Variants in DST observed in about 807,000 individuals in gnomAD.
DST encodes the protein bullous pemphigoid antigen.
In DST, 253 loss-of-function variants were observed where a neutral mutation model predicts 875.2. The observed-to-expected ratio is 0.29, with a 90% CI of 0.26 to 0.32. The LOEUF (loss-of-function observed/expected upper bound fraction) is 0.32. Among genes scored for constraint, DST ranks in the 10% least tolerant of loss-of-function variants. The pLI is 1.00. For synonymous variants in DST, 3,124 were observed against 3,197.1 expected, an observed-to-expected ratio of 0.98 and a Z score of 0.77; for missense variants, 8,287 against 9,111.6, an observed-to-expected ratio of 0.91 and a Z score of 3.68.
At chr6:56,949,246 G>A (rs1297183323) in intron 2 of DST, among the ~76,000 whole-genome samples, 1 of 152,048 alleles carries the variant, frequency 6.6e-6, no homozygotes, top group African/African-American at 2.4e-5. Flanking sequence ...GAGAGTTTTT[G>A]TTTGTTTGTT....
intron 2 of DST, among the ~76,000 whole-genome samples, chr6:56,906,817 C>T (rs1235660542): frequency 6.6e-6 from 1 of 152,152 alleles, no homozygotes; most frequent in Non-Finnish European, 1.5e-5. Context: ...CAACGAACCC[C>T]GGGTATTTAC....
chr6:56,583,893 G>A lies in DST; in HGVS notation c.12904-4956C>T, dbSNP rs145392610. On this transcript the variant is annotated intron_variant, in intron 49 of 103. Transcript: ENST00000680361. ...GCTTTTGTCAGGTTTATCAAAGATC[G>A]GATAGTTGTAGATACGCGGTGTTAT... 1.2e-4 allele frequency among the ~76,000 whole-genome samples: 18 copies of A among 152,222 alleles called. No homozygotes were observed. The East Asian group carries it at 2.7e-3, about 23-fold the overall frequency.
intron 36 of DST, chr6:56,616,874 C>T (rs1237927801): frequency 6.2e-7 from 1 of 1,613,962 alleles, no homozygotes; most frequent in Non-Finnish European, 8.5e-7. Flanking sequence ...GTCAACAACT[C>T]CTTTAAGAAC....
Position 56,573,658 on chromosome 6 carries a change from CT to C in DST, c.13236+20del, listed in dbSNP as rs747956728. On this transcript the variant is annotated intron_variant, in intron 51 of 103. Coordinates refer to ENST00000680361, the MANE Select transcript of DST (RefSeq NM_001374736.1). ...TTTTTTTAAAAAACTGAAAATGGGA[CT>C]TTTTTTTAAAGTCACTTACAATGTT... The C allele has an allele frequency of 2.5e-5, 39 of 1,575,994 alleles. No individual in the cohort carries two copies. The African/African-American group carries it at 3.5e-4, about 14-fold the overall frequency.
chr6:56,567,342 T>G (rs2097695768), intron 55 of DST, among the ~76,000 whole-genome samples: 1 of 149,916 alleles, frequency 6.7e-6, no homozygotes, highest in Non-Finnish European at 1.5e-5. Context: ...TTAAAAAAAA[T>G]TAAACATGAT....
At position 56,639,245 on chromosome 6, in the gene DST, C is replaced by T. The variant is rs766258636; in HGVS notation, c.2964+14G>A. On this transcript the variant is annotated intron_variant, in intron 22 of 103. Transcript: ENST00000680361. Reference sequence around the variant, plus strand: ...TCAATATTCAACCAACACCATTACACTTTCCAGCTTTACCTCAATAGTTAA... The same window carrying T: ...TCAATATTCAACCAACACCATTACATTTTCCAGCTTTACCTCAATAGTTAA... 2 of 1,599,590 alleles carry T rather than the reference C, an allele frequency of 1.3e-6. No individual in the cohort carries two copies. Among genetic ancestry groups the T allele is most frequent in the South Asian group, 1.1e-5 (1 of 90,672 alleles).
rs76077463 is a variant in DST at position 56,589,052 on chromosome 6, G to A, written c.12903+3130C>T. ...ATGAAGTAAGTGAAGGGTACCCTCC[G>A]AAAATTTTTTTTAGATTGTGAGTTC... is the stretch of plus-strand genomic sequence containing the variant. On this transcript the variant is annotated intron_variant, in intron 49 of 103. Transcript: ENST00000680361. Among the ~76,000 whole-genome samples the A allele has an allele frequency of 1.8e-3, 281 of 152,226 alleles. 7 individuals are homozygous for A. In the East Asian group the frequency reaches 0.046, roughly 25 times the overall value.
intron 86 of DST, 87 bp from the exon 87 acceptor site, chr6:56,487,360 TG>T: frequency 8.5e-7 from 1 of 1,178,156 alleles, no homozygotes; most frequent in Non-Finnish European, 1.2e-6. Context: ...CCCTAATAAA[TG>T]GAGATGAATT....
At chr6:56,828,575 C>T (rs975619613) in intron 4 of DST, among the ~76,000 whole-genome samples, 2 of 152,202 alleles carry the variant, frequency 1.3e-5, no homozygotes, top group Admixed American at 6.5e-5. Flanking sequence ...CCAGTGAAAG[C>T]AGCTTCTATA....
At chr6:56,872,838 T>A (rs1344488350) in intron 3 of DST, among the ~76,000 whole-genome samples, 2 of 139,246 alleles carry the variant, frequency 1.4e-5, no homozygotes, top group Non-Finnish European at 3.1e-5. Flanking sequence ...CCCCCTTTTT[T>A]TTTTTTTCGG....
chr6:56,850,717 T>C (rs945321338), intron 4 of DST, among the ~76,000 whole-genome samples: 3 of 152,204 alleles, frequency 2.0e-5, no homozygotes, highest in African/African-American at 7.2e-5. Flanking sequence ...GTTCTCAGCT[T>C]TCAGCTGGGT....
At chr6:56,722,674 G>A (rs75664274) in intron 5 of DST, among the ~76,000 whole-genome samples, 11,499 of 152,222 alleles carry the variant, frequency 0.076, 1,395 homozygotes, top group African/African-American at 0.25. Context: ...GAGCCACCGC[G>A]CCCAGCCTAA....
chr6:56,603,820 T>C lies in DST; in HGVS notation c.10791+17A>G, dbSNP rs756609779. The stretch of plus-strand genomic sequence containing the variant: ...TTCATGCAGCTTTTTCTGTATAAAA[T>C]GTATAGGTCAACTTACTTGTTCGGT... On this transcript the variant is annotated intron_variant, in intron 40 of 103. Transcript: ENST00000680361. The C allele has an allele frequency of 2.5e-6, 4 of 1,599,870 alleles. No individual in the cohort carries two copies. The highest frequency in any genetic ancestry group is 1.7e-4 in the Middle Eastern group (1 of 5,972).
intron 4 of DST, among the ~76,000 whole-genome samples, chr6:56,777,868 G>A (rs2099682285): frequency 6.6e-6 from 1 of 151,782 alleles, no homozygotes; most frequent in African/African-American, 2.4e-5. Flanking sequence ...GATAATTTGG[G>A]GGCGTTTCTG....
intron 61 of DST, among the ~76,000 whole-genome samples, chr6:56,547,340 AGTT>A (rs1354962090): frequency 1.3e-5 from 2 of 152,146 alleles, no homozygotes; most frequent in African/African-American, 2.4e-5. Context: ...TTCTTCCTAA[AGTT>A]GTTAAATGCC....
At chr6:56,944,008 T>A (rs1207338952) in intron 2 of DST, among the ~76,000 whole-genome samples, 2 of 151,956 alleles carry the variant, frequency 1.3e-5, no homozygotes, top group Admixed American at 6.5e-5. Flanking sequence ...TCCCAGCTAC[T>A]CGGGCAGCTG....
intron 2 of DST, among the ~76,000 whole-genome samples, chr6:56,944,269 C>T (rs1311977747): frequency 1.3e-5 from 2 of 152,072 alleles, no homozygotes; most frequent in African/African-American, 4.8e-5. Flanking sequence ...TTCATTCATT[C>T]ATCCAACATT....
intron 3 of DST, chr6:56,852,064 ATGT>A: frequency 7.1e-7 from 1 of 1,404,712 alleles, no homozygotes; most frequent in Non-Finnish European, 9.2e-7. Context: ...CAAATGCAGG[ATGT>A]TGAGTCCCAA....
intron 47 of DST, 100 bp downstream of exon 47, chr6:56,597,640 T>G (rs755872157): frequency 1.5e-4 from 196 of 1,278,320 alleles, no homozygotes; most frequent in Middle Eastern, 5.8e-4. Context: ...AAAACCTCTT[T>G]TGTCAGTAAG....
Sources: allele counts gnomAD v4.1 joint callset (sites outside exome capture counted in the v4.1 genomes callset), GRCh38; gene constraint gnomAD v4.1.1; transcripts MANE v1.5; gene names NCBI Gene and HGNC (gene_info 2026-07-23, HGNC 2026-07-21).